The following PDE8A variants were observed in gnomAD, a reference collection of about 807,000 sequenced individuals.
PDE8A encodes high affinity cAMP-specific and IBMX-insensitive 3',5'-cyclic phosphodiesterase 8A.
A neutral mutation model predicts 105.0 loss-of-function variants in PDE8A; 59 were observed. That is an observed-to-expected ratio of 0.56 (90% CI 0.46 to 0.70). The LOEUF (loss-of-function observed/expected upper bound fraction) is 0.70, where lower values mean the gene tolerates loss of function less well. Ranked by LOEUF, PDE8A falls within the 30% of genes least tolerant of loss-of-function variation. The pLI, the probability that PDE8A is intolerant of heterozygous loss-of-function variation, is 0.00. For synonymous variants in PDE8A, 355 were observed against 371.9 expected (o/e 0.95, Z 0.52); for missense variants, 1,014 against 1,045.9 (o/e 0.97, Z 0.42).
chr15:85,102,712 G>A (rs1220945844), intron 11 of PDE8A, among the ~76,000 whole-genome samples: 2 of 151,718 alleles, frequency 1.3e-5, no homozygotes, highest in Non-Finnish European at 2.9e-5. Context: ...CGTGGCGCAT[G>A]CCTGTCATCC....
Position 84,995,259 on chromosome 15 carries a change from C to G in PDE8A, c.186+12911C>G, listed in dbSNP as rs185245036. On this transcript the variant is annotated intron_variant, in intron 1 of 21. Coordinates refer to ENST00000394553, the MANE Select transcript of PDE8A (RefSeq NM_002605.3). ...AACCACCCTTCTGATTTTTTTCTTACCACAGATTAGTTTTGCCTGTTCTAA... is the reference window on the plus strand; with the variant it reads ...AACCACCCTTCTGATTTTTTTCTTAGCACAGATTAGTTTTGCCTGTTCTAA... 3.3e-5 allele frequency among the ~76,000 whole-genome samples: 5 copies of G among 151,924 alleles called. No homozygotes were observed. In the East Asian group the frequency reaches 9.7e-4, roughly 29 times the overall value.
At chr15:85,014,124 CTTTCTTTTTCTT>C (rs140715188) in intron 1 of PDE8A, among the ~76,000 whole-genome samples, 2,054 of 151,704 alleles carry the variant, frequency 0.014, 46 homozygotes, top group African/African-American at 0.045. Flanking sequence ...TTCTTTCTTC[CTTTCTTTTTCTT>C]TTTCTTTTTC....
At chr15:85,053,958 C>T (rs1352749284) in intron 1 of PDE8A, among the ~76,000 whole-genome samples, 4 of 152,190 alleles carry the variant, frequency 2.6e-5, no homozygotes, top group Non-Finnish European at 5.9e-5. Context: ...GTGGGTTTGT[C>T]ATAAATAGCC....
chr15:85,139,005 A>G lies in PDE8A; in HGVS notation c.*1102A>G, dbSNP rs2082459800. 6.6e-6 allele frequency: 1 copy of G among 152,158 alleles called. No homozygotes were observed. Among genetic ancestry groups the G allele is most frequent in the Non-Finnish European group, 1.5e-5 (1 of 68,020 alleles). The allele number at this position is 152,158 out of a possible 1,614,324, so 9.4% of individuals were successfully genotyped here. On this transcript the variant is annotated 3_prime_UTR_variant, in exon 22 of 22. Coordinates refer to ENST00000394553, the MANE Select transcript of PDE8A (RefSeq NM_002605.3). ...CCAGAAATTTATAAAGAGGTTCTGTATCTTCACACCTTGAATAAGCATAAT... is the reference window on the plus strand; with the variant it reads ...CCAGAAATTTATAAAGAGGTTCTGTGTCTTCACACCTTGAATAAGCATAAT...
At chr15:85,136,444 C>T in intron 20 of PDE8A, 90 bp from the exon 21 acceptor site, 1 of 1,406,504 alleles carries the variant, frequency 7.1e-7, no homozygotes, top group Non-Finnish European at 9.6e-7. Context: ...CCTTAGGCTG[C>T]CAGGAGAAGC....
chr15:85,135,650 A>T (rs1389228324), intron 20 of PDE8A, among the ~76,000 whole-genome samples: 1 of 152,134 alleles, frequency 6.6e-6, no homozygotes. Flanking sequence ...TAAAGAATGC[A>T]CTCAGGACTT....
At chr15:85,122,971 C>T in intron 18 of PDE8A, 90 bp from the exon 19 acceptor site, 2 of 1,323,402 alleles carry the variant, frequency 1.5e-6, no homozygotes, top group Non-Finnish European at 2.1e-6. Context: ...CTGCAGAGGA[C>T]ACATACCTGG....
chr15:85,134,859 T>A (rs1217217384), intron 20 of PDE8A, among the ~76,000 whole-genome samples: 1 of 151,866 alleles, frequency 6.6e-6, no homozygotes, highest in Non-Finnish European at 1.5e-5. Flanking sequence ...GGTGTCACTC[T>A]GGGAGAGCCT....
At chr15:85,001,440 C>T (rs2080066457) in intron 1 of PDE8A, among the ~76,000 whole-genome samples, 1 of 152,164 alleles carries the variant, frequency 6.6e-6, no homozygotes, top group Non-Finnish European at 1.5e-5. Context: ...CATGCATGCT[C>T]AGAGGATGGA....
chr15:85,055,653 C>T (rs556645225), intron 1 of PDE8A, among the ~76,000 whole-genome samples: 211 of 151,900 alleles, frequency 1.4e-3, no homozygotes, highest in Non-Finnish European at 2.2e-3. Flanking sequence ...TTTTGTTTTC[C>T]ATTTGCTTGG....
At chr15:85,124,424 A>C (rs2082228616) in intron 19 of PDE8A, among the ~76,000 whole-genome samples, 1 of 152,090 alleles carries the variant, frequency 6.6e-6, no homozygotes, top group Non-Finnish European at 1.5e-5. Context: ...AGCAGCTCAC[A>C]GTCTTCTCTC....
rs1204032165 is a variant in PDE8A at position 85,136,574 on chromosome 15, C to T, written c.2294C>T (p.Pro765Leu). ...EKQQGLPVVM[P>L]VFDRNTCSIP... The stretch of plus-strand genomic sequence containing the variant: ...CAGCAGGGCTTACCTGTGGTGATGC[C>T]AGTGTTTGACAGAAATACCTGCAGC... Residue 765 changes from proline (P) to leucine (L), a missense_variant, in exon 21 of 22, where the codon CCA (proline) becomes CTA (leucine). Pro to Leu is a moderately conservative substitution (Grantham distance 98, BLOSUM62 -3). Transcript: ENST00000394553. The T allele has an allele frequency of 4.3e-6, 7 of 1,613,756 alleles. 1 individual carries two copies. In the East Asian group the frequency reaches 1.6e-4, roughly 36 times the overall value.
chr15:85,096,122 G>A (rs180952898), intron 8 of PDE8A, among the ~76,000 whole-genome samples: 3 of 152,070 alleles, frequency 2.0e-5, no homozygotes, highest in Non-Finnish European at 2.9e-5. Context: ...TGATCCACTC[G>A]CCTCAGCCTC....
intron 1 of PDE8A, among the ~76,000 whole-genome samples, chr15:85,020,396 G>A (rs966100299): frequency 6.6e-6 from 1 of 152,156 alleles, no homozygotes; most frequent in Non-Finnish European, 1.5e-5. Flanking sequence ...CTGAGGTCAG[G>A]AGTTTGAGAC....
At chr15:85,076,833 A>G (rs1286443884) in intron 5 of PDE8A, 46 bp downstream of exon 5, 3 of 1,197,816 alleles carry the variant, frequency 2.5e-6, no homozygotes, top group Non-Finnish European at 3.7e-6. Flanking sequence ...CAATTTGAGA[A>G]ATTATTTTAT....
intron 1 of PDE8A, among the ~76,000 whole-genome samples, chr15:85,038,216 G>T (rs527219): frequency 0.063 from 3,043 of 48,318 alleles, 107 homozygotes; most frequent in African/African-American, 0.21. Context: ...CCAATTGGGG[G>T]GTGTGTGTGT....
intron 3 of PDE8A, among the ~76,000 whole-genome samples, chr15:85,071,810 G>C (rs530197184): frequency 1.6e-3 from 250 of 152,318 alleles, no homozygotes; most frequent in Non-Finnish European, 3.0e-3. Flanking sequence ...GGATGAGAAG[G>C]GGGGCCTGTG....
rs1194413034 is a variant in PDE8A at position 85,120,886 on chromosome 15, G to T, written c.1824G>T (p.Leu608=). ...VDHPGRTNSF[L]CNAGSELAIL... is the part of the protein sequence containing the mutation. ...ACCCTGGGAGAACCAACTCCTTCCT[G>T]TGTAATGCTGGAAGTGAGCTGGCCA... The change falls in exon 18 of 22, where the codon CTG becomes CTT. Residue 608 remains leucine (L), a synonymous_variant. Transcript: ENST00000394553. 3 of 1,613,990 alleles carry T rather than the reference G, an allele frequency of 1.9e-6. No homozygotes were observed. The highest frequency in any genetic ancestry group is 1.3e-5 in the African/African-American group (1 of 75,024).
intron 3 of PDE8A, among the ~76,000 whole-genome samples, chr15:85,073,490 G>T (rs1395665122): frequency 6.6e-6 from 1 of 152,124 alleles, no homozygotes; most frequent in African/African-American, 2.4e-5. Context: ...TCATTCTTGT[G>T]TCTCCAGATA....
Sources: gnomAD v4.1 joint callset for allele counts (sites outside exome capture counted in the v4.1 genomes callset) on GRCh38, gnomAD v4.1.1 for gene constraint, MANE v1.5 for transcripts, NCBI Gene and HGNC (gene_info 2026-07-23, HGNC 2026-07-21) for gene names.